SORBS2: variants seen among roughly 807,000 people sequenced by gnomAD.
SORBS2 encodes the protein sorbin and SH3 domain containing 2, also known as sorbin and SH3 domain-containing protein 2.
In SORBS2, 46 loss-of-function variants were observed where a neutral mutation model predicts 97.7. That is an observed-to-expected ratio of 0.47 (90% CI 0.37 to 0.60). The LOEUF is 0.60. Among genes scored for constraint, SORBS2 ranks in the 20% least tolerant of loss-of-function variants. The pLI is 0.00. For synonymous variants in SORBS2, 476 were observed against 473.4 expected, an observed-to-expected ratio of 1.01 and a Z score of -0.07; for missense variants, 1,316 against 1,282.3, an observed-to-expected ratio of 1.03 and a Z score of -0.40.
At chr4:185,833,694 G>C (rs1447091000) in intron 1 of SORBS2, among the ~76,000 whole-genome samples, 1 of 152,052 alleles carries the variant, frequency 6.6e-6, no homozygotes, top group Non-Finnish European at 1.5e-5. Flanking sequence ...GTTTTATAAG[G>C]ATTTACACAG....
intron 2 of SORBS2, among the ~76,000 whole-genome samples, chr4:185,716,596 G>A (rs2098466957): frequency 7.0e-6 from 1 of 143,156 alleles, no homozygotes; most frequent in Admixed American, 6.9e-5. Context: ...TTGTATAAAT[G>A]AGTTTTTTTT....
chr4:185,829,977 TCC>T (rs1158853532), intron 1 of SORBS2, among the ~76,000 whole-genome samples: 3 of 152,164 alleles, frequency 2.0e-5, no homozygotes, highest in Non-Finnish European at 4.4e-5. Flanking sequence ...TACCTAACAC[TCC>T]TGCATTCTCT....
At chr4:185,849,280 A>G (rs1260131386) in intron 1 of SORBS2, among the ~76,000 whole-genome samples, 2 of 152,170 alleles carry the variant, frequency 1.3e-5, no homozygotes, top group African/African-American at 4.8e-5. Flanking sequence ...TGGAGCCACC[A>G]GAGCTTCCCC....
In SORBS2 at chr4:185,947,019, T is replaced by G. The variant is rs544588551; in HGVS notation, c.-338+9177A>C. Among the ~76,000 whole-genome samples, 4 of 152,282 alleles carry G rather than the reference T, an allele frequency of 2.6e-5. No homozygotes were observed. In the South Asian group the frequency reaches 8.3e-4, roughly 32 times the overall value. The stretch of plus-strand genomic sequence containing the variant: ...CTCACCTCCTCCCATCAATTTCTAC[T>G]CCATTCCCCAACAATTACATATCCA... On this transcript the variant is annotated intron_variant, in intron 1 of 20. Transcript: ENST00000284776.
In SORBS2 at chr4:185,607,334, G is replaced by T; in HGVS notation, c.2796+4446C>A. The T allele has an allele frequency of 7.8e-7, 1 of 1,287,182 alleles. No homozygotes were observed. The highest frequency in any genetic ancestry group is 1.2e-5 in the South Asian group (1 of 80,954). 79.7% of individuals were successfully genotyped at this position (1,287,182 alleles called of 1,614,324 possible). A position where few individuals can be genotyped will look rare whatever the true frequency, so the allele number is the denominator to read the frequency against. The stretch of plus-strand genomic sequence containing the variant: ...ACTTTGTGGGTGGGAGGAGGGGCTG[G>T]TTCACTGGAAGCCAACTTGGAAATG... On this transcript the variant is annotated intron_variant, in intron 12 of 14. Coordinates refer to ENST00000418609, the Ensembl canonical transcript of SORBS2. The surrounding 1 kb of genome is among the most constrained non-coding windows in gnomAD (Gnocchi z 5.2).
At chr4:185,824,949 C>A (rs1231495077) in intron 1 of SORBS2, among the ~76,000 whole-genome samples, 1 of 152,172 alleles carries the variant, frequency 6.6e-6, no homozygotes, top group African/African-American at 2.4e-5. Context: ...TGAGATTGAT[C>A]AGGGGGCTTC....
chr4:185,657,205 A>G (rs775080446), upstream of SORBS2: 1 of 426,142 alleles, frequency 2.3e-6, no homozygotes, highest in South Asian at 6.5e-5. Flanking sequence ...CGCAATGTTC[A>G]TGATGTTTCA....
At chr4:185,634,250 A>T (rs2096956708) in intron 4 of SORBS2, among the ~76,000 whole-genome samples, 1 of 152,204 alleles carries the variant, frequency 6.6e-6, no homozygotes. Context: ...TTGAGACTCT[A>T]TACCTGCAAT....
At chr4:185,903,726 T>C (rs193198305) in intron 1 of SORBS2, among the ~76,000 whole-genome samples, 163 of 152,356 alleles carry the variant, frequency 1.1e-3, no homozygotes, top group Non-Finnish European at 1.6e-3. Context: ...TGTGGGTAGC[T>C]GTAAGGACCC....
At chr4:185,868,381 C>T (rs1262150790) in intron 1 of SORBS2, among the ~76,000 whole-genome samples, 1 of 151,740 alleles carries the variant, frequency 6.6e-6, no homozygotes, top group Non-Finnish European at 1.5e-5. Context: ...TGGTCTCAAT[C>T]TCCTGATCTC....
At chr4:185,733,035 A>G (rs190503572) in intron 2 of SORBS2, among the ~76,000 whole-genome samples, 3 of 152,298 alleles carry the variant, frequency 2.0e-5, no homozygotes, top group East Asian at 3.9e-4. Context: ...TTCACAGGCA[A>G]CCCGGCCCTG....
At chr4:185,813,551 C>T (rs147520440) in intron 1 of SORBS2, among the ~76,000 whole-genome samples, 7 of 152,308 alleles carry the variant, frequency 4.6e-5, no homozygotes, top group African/African-American at 7.2e-5. Context: ...TGTTGCTGAG[C>T]GTGCCCCTGC....
intron 2 of SORBS2, among the ~76,000 whole-genome samples, chr4:185,751,054 C>G (rs2098795648): frequency 1.3e-5 from 2 of 151,046 alleles, no homozygotes; most frequent in Admixed American, 6.6e-5. Context: ...ACAAAACATA[C>G]CACACGAAAA....
intron 2 of SORBS2, among the ~76,000 whole-genome samples, chr4:185,743,875 CCT>C (rs1414454664): frequency 1.0e-4 from 15 of 150,300 alleles, no homozygotes; most frequent in African/African-American, 3.2e-4. Context: ...TCCTCCTCCT[CCT>C]CTTTCTCCTC....
chr4:185,893,595 C>G (rs1354988305), intron 1 of SORBS2, among the ~76,000 whole-genome samples: 1 of 152,194 alleles, frequency 6.6e-6, no homozygotes, highest in Non-Finnish European at 1.5e-5. Context: ...GACAGGTTAA[C>G]AGCCAGAAGG....
At position 185,607,305 on chromosome 4, in the gene SORBS2, T is replaced by A. The variant is rs1265502559; in HGVS notation, c.2796+4475A>T. 1.6e-6 allele frequency: 2 copies of A among 1,285,914 alleles called. No homozygotes were observed. Among genetic ancestry groups the A allele is most frequent in the East Asian group, 5.7e-5 (1 of 17,450 alleles). 79.7% of individuals were successfully genotyped at this position (1,285,914 alleles called of 1,614,324 possible). A position where few individuals can be genotyped will look rare whatever the true frequency, so the allele number is the denominator to read the frequency against. ...GGAGAGCTCCTTTATCTGAGCCAGG[T>A]GAGACTTTGTGGGTGGGAGGAGGGG... On this transcript the variant is annotated intron_variant, in intron 12 of 14. Transcript: ENST00000418609. The surrounding 1 kb of genome is among the most constrained non-coding windows in gnomAD (Gnocchi z 5.2).
At chr4:185,749,485 C>A (rs920567282) in intron 2 of SORBS2, among the ~76,000 whole-genome samples, 1 of 152,170 alleles carries the variant, frequency 6.6e-6, no homozygotes, top group Non-Finnish European at 1.5e-5. Flanking sequence ...AAGATGAAAT[C>A]CTGATGGGAT....
upstream of SORBS2, among the ~76,000 whole-genome samples, chr4:185,658,926 C>T (rs1027914462): frequency 6.1e-4 from 93 of 151,948 alleles, no homozygotes; most frequent in African/African-American, 2.2e-3. Context: ...TAGGATGGTC[C>T]TGATCTCCTG....
intron 4 of SORBS2, among the ~76,000 whole-genome samples, chr4:185,633,542 A>G (rs1268880524): frequency 6.6e-6 from 1 of 151,660 alleles, no homozygotes; most frequent in Non-Finnish European, 1.5e-5. Flanking sequence ...TTTTATGCCC[A>G]AGAATTATTG....
Sources: gnomAD v4.1 joint callset for allele counts (sites outside exome capture counted in the v4.1 genomes callset) on GRCh38, gnomAD v4.1.1 for gene constraint, Gnocchi (gnomAD v3.1) non-coding constraint, MANE v1.5 for transcripts, NCBI Gene and HGNC (gene_info 2026-07-23, HGNC 2026-07-21) for gene names.